The following MYO5C variants were observed in gnomAD, a reference collection of about 807,000 sequenced individuals.
The protein encoded by MYO5C is unconventional myosin-Vc.
MYO5C carries 194 observed loss-of-function variants against 235.7 expected under a neutral mutation model. The ratio of observed to expected loss-of-function variants is 0.82; its 90% CI spans 0.73 to 0.93. The LOEUF is 0.93. Ranked by LOEUF, MYO5C falls within the 40% of genes least tolerant of loss-of-function variation. The pLI, the probability that MYO5C is intolerant of heterozygous loss-of-function variation, is 0.00. For synonymous variants in MYO5C, 707 were observed against 754.8 expected (o/e 0.94, Z 1.04); for missense variants, 2,038 against 2,127.2 (o/e 0.96, Z 0.82).
intron 13 of MYO5C, among the ~76,000 whole-genome samples, chr15:52,249,111 T>G (rs2141331213): frequency 6.6e-6 from 1 of 152,320 alleles, no homozygotes; most frequent in East Asian, 1.9e-4. Flanking sequence ...CCTTTGCCTT[T>G]GAAGCCACCA....
At chr15:52,221,753 A>AC (rs1462025254) in intron 29 of MYO5C, among the ~76,000 whole-genome samples, 1 of 152,014 alleles carries the variant, frequency 6.6e-6, no homozygotes, top group Non-Finnish European at 1.5e-5. Flanking sequence ...CATCGCCTCC[A>AC]CCCCCAGTTA....
Position 52,232,664 on chromosome 15 carries a change from T to C in MYO5C, c.2984A>G (p.Lys995Arg). Reference sequence around the variant, plus strand: ...CTTTTGTACATCATCAAAGAGCTGCTTGGTGAGGTTGTCCATTTTTTCTGT... The same window carrying C: ...CTTTTGTACATCATCAAAGAGCTGCCTGGTGAGGTTGTCCATTTTTTCTGT... ...ELKEKMDNLTKQLFDDVQKEE... is the reference protein window; with the variant it reads ...ELKEKMDNLTRQLFDDVQKEE... The change falls in exon 24 of 41, where the codon AAG becomes AGG. Residue 995 changes from lysine to arginine, a missense_variant. Coordinates refer to ENST00000261839, the MANE Select transcript of MYO5C (RefSeq NM_018728.4). 6.2e-7 allele frequency: 1 copy of C among 1,613,948 alleles called. No homozygotes were observed.
chr15:52,230,854 G>GT (rs2035935783), intron 24 of MYO5C, among the ~76,000 whole-genome samples: 1 of 148,388 alleles, frequency 6.7e-6, no homozygotes, highest in Non-Finnish European at 1.5e-5. Flanking sequence ...TGGAGACAGG[G>GT]TCTCACTCTG....
intron 1 of MYO5C, among the ~76,000 whole-genome samples, chr15:52,295,225 G>A (rs2037474215): frequency 1.3e-5 from 2 of 152,150 alleles, no homozygotes; most frequent in Admixed American, 1.3e-4. Flanking sequence ...GGAAGGGACC[G>A]AGGCGCTCCA....
At chr15:52,199,984 G>C (rs1371819743) in intron 38 of MYO5C, among the ~76,000 whole-genome samples, 1 of 152,198 alleles carries the variant, frequency 6.6e-6, no homozygotes, top group African/African-American at 2.4e-5. Flanking sequence ...AAAGCAGTTT[G>C]TTAAGTTCTT....
Position 52,237,296 on chromosome 15 carries a change from C to CT in MYO5C, c.2868+185dup. 6.4e-6 allele frequency: 4 copies of CT among 625,610 alleles called. No individual in the cohort carries two copies. In the South Asian group the frequency reaches 1.1e-4, roughly 17 times the overall value. 38.8% of individuals were successfully genotyped at this position (625,610 alleles called of 1,614,324 possible). On this transcript the variant is annotated intron_variant, in intron 22 of 40. Transcript: ENST00000261839. ...ATTTCTCTCATTATTAACCTCCTCC[C>CT]TTCCCCTAGACTCTAATCCTCTGAT... is the stretch of plus-strand genomic sequence containing the variant.
At chr15:52,245,670 G>C (rs2141325817) in intron 17 of MYO5C, among the ~76,000 whole-genome samples, 1 of 152,332 alleles carries the variant, frequency 6.6e-6, no homozygotes, top group South Asian at 2.1e-4. Context: ...CAGCAATTGT[G>C]CTCTTTCTCC....
chr15:52,236,268 G>A (rs2036082960), intron 22 of MYO5C, among the ~76,000 whole-genome samples: 1 of 152,256 alleles, frequency 6.6e-6, no homozygotes. Context: ...GTGACTGGCA[G>A]CTGGCGATGC....
At chr15:52,223,148 CAAA>C (rs59251560) in intron 29 of MYO5C, among the ~76,000 whole-genome samples, 101,087 of 128,838 alleles carry the variant, frequency 0.78, 39,950 homozygotes, top group Non-Finnish European at 0.89. Context: ...GACTTCATCT[CAAA>C]AAAAAAAAAA....
At chr15:52,268,519 G>A (rs139080609) in intron 8 of MYO5C, among the ~76,000 whole-genome samples, 199 of 151,916 alleles carry the variant, frequency 1.3e-3, no homozygotes, top group Non-Finnish European at 2.1e-3. Flanking sequence ...TGCACTCCAG[G>A]CCAGCCTGGC....
At chr15:52,235,607 C>A in intron 23 of MYO5C, 63 bp downstream of exon 23, 1 of 1,342,678 alleles carries the variant, frequency 7.4e-7, no homozygotes, top group South Asian at 1.3e-5. Flanking sequence ...CTGGTCAACC[C>A]CAGTATTGTT....
intron 12 of MYO5C, among the ~76,000 whole-genome samples, chr15:52,252,375 ACTCCTTGAAATAAGGGCATAC>A (rs2036489442): frequency 1.3e-5 from 2 of 149,176 alleles, no homozygotes; most frequent in Non-Finnish European, 3.0e-5. Context: ...TAATTAACTC[ACTCCTTGAAATAAGGGCATAC>A]CTCCTTGTAC....
chr15:52,238,783 A>G (rs1385901991), intron 21 of MYO5C, among the ~76,000 whole-genome samples: 2 of 151,396 alleles, frequency 1.3e-5, no homozygotes, highest in East Asian at 1.9e-4. Flanking sequence ...CTGGGACTAC[A>G]GGCGCCCGCC....
At chr15:52,234,268 G>T (rs2036029793) in intron 23 of MYO5C, among the ~76,000 whole-genome samples, 1 of 152,212 alleles carries the variant, frequency 6.6e-6, no homozygotes, top group African/African-American at 2.4e-5. Context: ...CACAAGCATA[G>T]GTAAAGGTTG....
At chr15:52,217,914 C>G (rs1052475513) in intron 32 of MYO5C, among the ~76,000 whole-genome samples, 7 of 152,174 alleles carry the variant, frequency 4.6e-5, no homozygotes, top group African/African-American at 1.7e-4. Flanking sequence ...GGAAAGTGGC[C>G]TGTCACTTCA....
At chr15:52,231,602 C>T (rs1317860862) in intron 24 of MYO5C, among the ~76,000 whole-genome samples, 1 of 152,122 alleles carries the variant, frequency 6.6e-6, no homozygotes, top group Non-Finnish European at 1.5e-5. Flanking sequence ...ACTCCTGGAG[C>T]GATTCTGTGA....
At chr15:52,205,557 T>C (rs1370640695) in intron 37 of MYO5C, 2 of 338,554 alleles carry the variant, frequency 5.9e-6, no homozygotes, top group Admixed American at 4.3e-5. Flanking sequence ...ACCACATAAA[T>C]AGCAGTAGTA....
intron 8 of MYO5C, among the ~76,000 whole-genome samples, chr15:52,269,442 A>T (rs1363488015): frequency 8.2e-6 from 1 of 122,498 alleles, no homozygotes; most frequent in African/African-American, 3.1e-5. Flanking sequence ...GCCAGGCTGG[A>T]GTGCAGTGGT....
intron 40 of MYO5C, among the ~76,000 whole-genome samples, chr15:52,194,704 TATC>T (rs1041999542): frequency 1.3e-5 from 2 of 151,606 alleles, no homozygotes; most frequent in Admixed American, 1.3e-4. Context: ...CTTAATATAT[TATC>T]ATATATAACC....
Sources: gnomAD v4.1 joint callset for allele counts (sites outside exome capture counted in the v4.1 genomes callset) on GRCh38, gnomAD v4.1.1 for gene constraint, MANE v1.5 for transcripts, NCBI Gene and HGNC (gene_info 2026-07-23, HGNC 2026-07-21) for gene names.